Variants in FOXP2 observed in about 807,000 individuals in gnomAD.
FOXP2 encodes the protein forkhead box P2, also known as forkhead box protein P2.
In FOXP2, 12 loss-of-function variants were observed where a neutral mutation model predicts 115.8. The ratio of observed to expected loss-of-function variants is 0.10; its 90% CI spans 0.07 to 0.17. FOXP2 has a LOEUF of 0.17. Among genes scored for constraint, FOXP2 ranks in the 10% least tolerant of loss-of-function variants. The pLI, the probability that FOXP2 is intolerant of heterozygous loss-of-function variation, is 1.00. For missense variants in FOXP2, 629 were observed against 843.5 expected (o/e 0.75, Z 3.15); for synonymous variants, 328 against 297.7 (o/e 1.10, Z -1.05).
chr7:114,514,086 TACACACACACACAC>T (rs141664873), intron 2 of FOXP2, among the ~76,000 whole-genome samples: 6 of 148,532 alleles, frequency 4.0e-5, no homozygotes, highest in African/African-American at 9.9e-5. Flanking sequence ...TTGTATCTTA[TACACACACACACAC>T]ACACACACAC....
intron 3 of FOXP2, among the ~76,000 whole-genome samples, chr7:114,550,994 C>A (rs1009290549): frequency 6.6e-6 from 1 of 151,864 alleles, no homozygotes; most frequent in Non-Finnish European, 1.5e-5. Flanking sequence ...TTTTTTCTAC[C>A]TTTTTGCTTG....
At chr7:114,362,888 A>T (rs2129187868) in intron 2 of FOXP2, among the ~76,000 whole-genome samples, 1 of 152,224 alleles carries the variant, frequency 6.6e-6, no homozygotes, top group Non-Finnish European at 1.5e-5. Flanking sequence ...TGTTTGGATG[A>T]GAATACTCAA....
At chr7:114,210,737 G>A (rs527374009) in intron 1 of FOXP2, among the ~76,000 whole-genome samples, 1 of 152,134 alleles carries the variant, frequency 6.6e-6, no homozygotes, top group Non-Finnish European at 1.5e-5. Context: ...TCCAAAGCCA[G>A]CAGGCTAGAA....
At chr7:114,579,789 C>A (rs979801901) in intron 3 of FOXP2, among the ~76,000 whole-genome samples, 1 of 152,130 alleles carries the variant, frequency 6.6e-6, no homozygotes, top group Non-Finnish European at 1.5e-5. Flanking sequence ...ATTCACTGAG[C>A]ATATACTATG....
At chr7:114,568,991 G>A (rs917721138) in intron 3 of FOXP2, among the ~76,000 whole-genome samples, 1 of 151,836 alleles carries the variant, frequency 6.6e-6, no homozygotes, top group South Asian at 2.1e-4. Flanking sequence ...ATAATTTAAG[G>A]TGGTGTTGCT....
intron 16 of FOXP2, among the ~76,000 whole-genome samples, chr7:114,676,634 C>A (rs184117177): frequency 2.0e-5 from 3 of 152,144 alleles, no homozygotes; most frequent in East Asian, 3.9e-4. Context: ...GGTGACAAGG[C>A]TAATCATATC....
chr7:114,383,622 G>C (rs998922858), intron 2 of FOXP2, among the ~76,000 whole-genome samples: 1 of 151,442 alleles, frequency 6.6e-6, no homozygotes, highest in African/African-American at 2.4e-5. Flanking sequence ...GTTATAATTT[G>C]TACTTCCCTC....
chr7:114,651,304 G>T (rs1392972617), intron 8 of FOXP2, among the ~76,000 whole-genome samples: 1 of 151,980 alleles, frequency 6.6e-6, no homozygotes, highest in Non-Finnish European at 1.5e-5. Flanking sequence ...GCCCATTGGT[G>T]AAATAGATAC....
At chr7:114,259,791 C>T (rs1417438549) in intron 1 of FOXP2, among the ~76,000 whole-genome samples, 1 of 152,034 alleles carries the variant, frequency 6.6e-6, no homozygotes, top group Non-Finnish European at 1.5e-5. Flanking sequence ...TAAATTATCA[C>T]TCATAAGAAG....
At chr7:114,589,734 T>C (rs756768483) in intron 3 of FOXP2, among the ~76,000 whole-genome samples, 5 of 152,146 alleles carry the variant, frequency 3.3e-5, no homozygotes, top group Non-Finnish European at 7.4e-5. Flanking sequence ...TTTTAATTAA[T>C]TCCCCTGATG....
intron 2 of FOXP2, among the ~76,000 whole-genome samples, chr7:114,374,315 C>T (rs1161892932): frequency 2.0e-5 from 3 of 152,094 alleles, no homozygotes; most frequent in African/African-American, 7.2e-5. Flanking sequence ...AATTTGTTGA[C>T]ATATTTTAAG....
chr7:114,534,754 A>G, intron 3 of FOXP2, 48 bp downstream of exon 3: 1 of 1,473,774 alleles, frequency 6.8e-7, no homozygotes, highest in African/African-American at 1.4e-5. Context: ...AAAGATGTTC[A>G]TAATGATAAC....
At chr7:114,346,625 T>C (rs1217537834) in intron 2 of FOXP2, among the ~76,000 whole-genome samples, 1 of 151,786 alleles carries the variant, frequency 6.6e-6, no homozygotes, top group Non-Finnish European at 1.5e-5. Context: ...CATTTGCAAT[T>C]TCATAGATGA....
intron 3 of FOXP2, among the ~76,000 whole-genome samples, chr7:114,610,584 T>C (rs181250901): frequency 9.2e-5 from 14 of 152,324 alleles, no homozygotes; most frequent in Admixed American, 2.0e-4. Flanking sequence ...CAATTAACTA[T>C]GTTATATATG....
At chr7:114,391,623 G>A (rs955684967) in intron 2 of FOXP2, among the ~76,000 whole-genome samples, 4 of 152,242 alleles carry the variant, frequency 2.6e-5, no homozygotes, top group Admixed American at 6.5e-5. Context: ...TGTGACTGAA[G>A]GTAGTAATGG....
At chr7:114,677,633 G>A (rs776309996) in intron 16 of FOXP2, among the ~76,000 whole-genome samples, 13 of 152,104 alleles carry the variant, frequency 8.5e-5, no homozygotes, top group South Asian at 6.2e-4. Flanking sequence ...TACTTCTGCC[G>A]TTCATTAGTG....
At chr7:114,179,016 T>C (rs1793388544) in intron 1 of FOXP2, among the ~76,000 whole-genome samples, 1 of 151,976 alleles carries the variant, frequency 6.6e-6, no homozygotes. Flanking sequence ...TAAAATTGTA[T>C]TGGTAAATTT....
intron 2 of FOXP2, among the ~76,000 whole-genome samples, chr7:114,317,229 A>G (rs1797298006): frequency 6.6e-6 from 1 of 152,178 alleles, no homozygotes; most frequent in Non-Finnish European, 1.5e-5. Flanking sequence ...GTCCCAATGT[A>G]TCACCTGTTG....
intron 1 of FOXP2, among the ~76,000 whole-genome samples, chr7:114,108,039 G>C (rs991656576): frequency 6.6e-6 from 1 of 151,998 alleles, no homozygotes; most frequent in Middle Eastern, 3.4e-3. Context: ...ATTATTTTGT[G>C]ATGTAACAAA....
Sources: allele counts gnomAD v4.1 joint callset (sites outside exome capture counted in the v4.1 genomes callset), GRCh38; gene constraint gnomAD v4.1.1; transcripts MANE v1.5; gene names NCBI Gene and HGNC (gene_info 2026-07-23, HGNC 2026-07-21).